MET: variants seen among roughly 807,000 people sequenced by gnomAD.
MET encodes MET proto-oncogene, receptor tyrosine kinase.
A neutral mutation model predicts 133.1 loss-of-function variants in MET; 48 were observed. That is an observed-to-expected ratio of 0.36 (90% CI 0.29 to 0.46). MET has a LOEUF of 0.46. Among genes scored for constraint, MET ranks in the 20% least tolerant of loss-of-function variants. The pLI is 1.00. For missense variants in MET, 1,442 were observed against 1,695.9 expected (o/e 0.85, Z 2.63); for synonymous variants, 628 against 616.5 (o/e 1.02, Z -0.28).
chr7:116,755,961 G>A (rs921047335), intron 6 of MET, among the ~76,000 whole-genome samples: 6 of 152,316 alleles, frequency 3.9e-5, no homozygotes, highest in Non-Finnish European at 7.4e-5. Context: ...GCTGAATCAC[G>A]TGTTTGAGAC....
intron 2 of MET, among the ~76,000 whole-genome samples, chr7:116,711,227 T>G (rs535552278): frequency 3.3e-5 from 5 of 152,354 alleles, no homozygotes; most frequent in African/African-American, 1.2e-4. Context: ...GCTAACCTTA[T>G]TCTTGTCTAT....
intron 3 of MET, among the ~76,000 whole-genome samples, chr7:116,734,912 C>T (rs1793154268): frequency 6.6e-6 from 1 of 152,184 alleles, no homozygotes; most frequent in Non-Finnish European, 1.5e-5. Context: ...CTCGTCTAAT[C>T]TACATCCAGA....
At position 116,687,059 on chromosome 7, in the gene MET, G is replaced by C. The variant is rs2283051; in HGVS notation, c.-14-12012G>C. ...GGGCGTGTTGCAGGTGGAAGGTGGAGATTCCCAGTCAAGGGGCAACACCTG... is the reference window on the plus strand; with the variant it reads ...GGGCGTGTTGCAGGTGGAAGGTGGACATTCCCAGTCAAGGGGCAACACCTG... On this transcript the variant is annotated intron_variant, in intron 1 of 20. Coordinates refer to ENST00000397752, the MANE Select transcript of MET (RefSeq NM_000245.4). 1.0e-3 allele frequency among the ~76,000 whole-genome samples: 154 copies of C among 152,356 alleles called. 4 individuals carry two copies. The East Asian group carries it at 0.027, about 27-fold the overall frequency.
At chr7:116,760,827 C>G (rs1470549606) in intron 10 of MET, among the ~76,000 whole-genome samples, 2 of 152,088 alleles carry the variant, frequency 1.3e-5, no homozygotes, top group Admixed American at 1.3e-4. Context: ...TCTAGGGAGT[C>G]ACCATATGAA....
At chr7:116,735,134 T>C (rs1048972052) in intron 3 of MET, among the ~76,000 whole-genome samples, 2 of 152,208 alleles carry the variant, frequency 1.3e-5, no homozygotes, top group Admixed American at 6.5e-5. Context: ...TGCACTACAC[T>C]GTGCCTGCTC....
At chr7:116,713,919 C>G (rs1406015175) in intron 2 of MET, among the ~76,000 whole-genome samples, 1 of 152,162 alleles carries the variant, frequency 6.6e-6, no homozygotes, top group Non-Finnish European at 1.5e-5. Flanking sequence ...AGAAGAACTA[C>G]TTCTGTTTTA....
At chr7:116,689,559 C>CTTTT (rs534819031) in intron 1 of MET, among the ~76,000 whole-genome samples, 9 of 94,774 alleles carry the variant, frequency 9.5e-5, no homozygotes, top group Non-Finnish European at 1.2e-4. Context: ...TGGGCTTACT[C>CTTTT]TTTTTTTTTT....
At chr7:116,706,907 TA>T (rs397815915) in intron 2 of MET, among the ~76,000 whole-genome samples, 3 of 150,738 alleles carry the variant, frequency 2.0e-5, no homozygotes, top group East Asian at 1.9e-4. Flanking sequence ...TTTTTTTTTT[TA>T]AATAGTATAT....
rs368787826 is a variant in MET, at chr7:116,763,149, A to G, written c.2464A>G (p.Met822Val). 4.3e-6 allele frequency: 7 copies of G among 1,614,024 alleles called. No homozygotes were observed. The highest frequency in any genetic ancestry group is 1.6e-4 in the Middle Eastern group (1 of 6,062). Residue 822 changes from methionine to valine, a missense_variant, in exon 11 of 21, where the codon ATG (methionine) becomes GTG (valine). Physicochemically the swap from Met to Val is conservative, Grantham distance 21. Transcript: ENST00000397752. ...CCCCCTGAAAACCAAAGCCTTTTTC[A>G]TGTTAGATGGGATCCTTTCCAAATA... is the stretch of plus-strand genomic sequence containing the variant. Reference protein sequence around the residue: ...QLPLKTKAFFMLDGILSKYFD... With the variant: ...QLPLKTKAFFVLDGILSKYFD...
intron 14 of MET, among the ~76,000 whole-genome samples, chr7:116,773,758 C>T (rs915776471): frequency 2.0e-4 from 31 of 152,184 alleles, no homozygotes; most frequent in Admixed American, 7.9e-4. Context: ...TGATGCCCAA[C>T]GCTTTTCTGG....
intron 19 of MET, among the ~76,000 whole-genome samples, chr7:116,792,841 A>C (rs541553801): frequency 2.0e-5 from 3 of 152,376 alleles, no homozygotes; most frequent in Admixed American, 2.0e-4. Flanking sequence ...TCATCCTAAA[A>C]TAAAACCAAT....
chr7:116,769,848 A>G (rs1794776689), intron 12 of MET, 57 bp downstream of exon 12: 2 of 1,609,690 alleles, frequency 1.2e-6, no homozygotes, highest in Admixed American at 3.3e-5. Flanking sequence ...TAATTATGTT[A>G]TTCTCAGGCT....
At chr7:116,735,505 G>T (rs1188098995) in intron 3 of MET, among the ~76,000 whole-genome samples, 1 of 152,142 alleles carries the variant, frequency 6.6e-6, no homozygotes. Flanking sequence ...CCCCATCGTG[G>T]CATGTCAGTG....
intron 2 of MET, among the ~76,000 whole-genome samples, chr7:116,729,351 G>C (rs992451383): frequency 2.0e-5 from 3 of 152,146 alleles, no homozygotes; most frequent in Non-Finnish European, 2.9e-5. Flanking sequence ...AGAAATCGTT[G>C]TTGATATATA....
intron 5 of MET, among the ~76,000 whole-genome samples, chr7:116,749,591 A>G (rs1270820631): frequency 1.3e-5 from 2 of 152,244 alleles, no homozygotes; most frequent in African/African-American, 2.4e-5. Context: ...TCAACATAAC[A>G]TTGGAAGTTC....
intron 19 of MET, among the ~76,000 whole-genome samples, chr7:116,793,333 C>G (rs1165606252): frequency 6.6e-6 from 1 of 151,996 alleles, no homozygotes; most frequent in Non-Finnish European, 1.5e-5. Flanking sequence ...CACCACCATG[C>G]CTGGCTAATT....
rs1795678960 is a variant in MET at position 116,796,352 on chromosome 7, C to CA, written c.*229dup. On this transcript the variant is annotated 3_prime_UTR_variant, in exon 21 of 21. Transcript: ENST00000397752. ...GACCAATGGCCTGCAGCCGTGACAA[C>CA]ACTCCTGTCATATTGGAGTCCAAAA... is the stretch of plus-strand genomic sequence containing the variant. 1 of 566,958 alleles carries CA rather than the reference C, an allele frequency of 1.8e-6. No individual in the cohort carries two copies. 35.1% of individuals were successfully genotyped at this position (566,958 alleles called of 1,614,324 possible).
chr7:116,745,329 A>C (rs1033125769), intron 5 of MET, among the ~76,000 whole-genome samples: 23 of 152,330 alleles, frequency 1.5e-4, no homozygotes, highest in Admixed American at 1.3e-3. Flanking sequence ...AGGAAGAATC[A>C]ATATCATGAA....
At chr7:116,769,619 AC>A (rs1376220905) in intron 11 of MET, 25 bp from the exon 12 acceptor site, 3 of 1,546,796 alleles carry the variant, frequency 1.9e-6, no homozygotes, top group East Asian at 2.3e-5. Context: ...AGTGTTAACA[AC>A]CTTTTTTTTT....
Sources: gnomAD v4.1 joint callset for allele counts (sites outside exome capture counted in the v4.1 genomes callset) on GRCh38, gnomAD v4.1.1 for gene constraint, MANE v1.5 for transcripts, NCBI Gene and HGNC (gene_info 2026-07-23, HGNC 2026-07-21) for gene names.